The following LONP1 variants were observed in gnomAD, a reference collection of about 807,000 sequenced individuals.
LONP1 encodes lon protease homolog, mitochondrial.
LONP1 carries 31 observed loss-of-function variants against 98.5 expected under a neutral mutation model. That is an observed-to-expected ratio of 0.31 (90% CI 0.24 to 0.42). The LOEUF (loss-of-function observed/expected upper bound fraction) is 0.42, where lower values mean the gene tolerates loss of function less well. Ranked by LOEUF, LONP1 falls within the 20% of genes least tolerant of loss-of-function variation. The pLI is 1.00. For synonymous variants in LONP1, 781 were observed against 594.7 expected (o/e 1.31, Z -4.56); for missense variants, 1,336 against 1,350.6 (o/e 0.99, Z 0.17).
At chr19:5,700,251 T>C (rs1327890721) in intron 9 of LONP1, among the ~76,000 whole-genome samples, 3 of 152,042 alleles carry the variant, frequency 2.0e-5, no homozygotes, top group African/African-American at 7.2e-5. Context: ...GTAGCTGGGA[T>C]TACAGGCATG....
Position 5,714,253 on chromosome 19 carries a change from C to T in LONP1, c.448G>A (p.Val150Ile), listed in dbSNP as rs1312768375. 3 of 1,613,660 alleles carry T rather than the reference C, an allele frequency of 1.9e-6. No individual in the cohort carries two copies. Among genetic ancestry groups the T allele is most frequent in the South Asian group, 1.1e-5 (1 of 91,050 alleles). ...KIIEVKNKKL[V>I]ELLRRKVRLA... ...CGAACTTTCCTTCTCAGCAGCTCAA[C>T]CAACTTCTTATTTTTAACCTAGCAT... is the stretch of plus-strand genomic sequence containing the variant. The change falls in exon 2 of 18, where the codon GTT becomes ATT. Residue 150 changes from valine (V) to isoleucine (I), a missense_variant. By Grantham distance (29) the Val-to-Ile change is conservative. Coordinates refer to ENST00000360614, the MANE Select transcript of LONP1 (RefSeq NM_004793.4).
intron 8 of LONP1, among the ~76,000 whole-genome samples, chr19:5,702,534 C>T (rs375274804): frequency 3.9e-5 from 6 of 152,138 alleles, no homozygotes; most frequent in African/African-American, 7.2e-5. Flanking sequence ...GTGTACCCAA[C>T]AGCTCATTGA....
chr19:5,697,505 GA>G (rs1387693691), intron 10 of LONP1, among the ~76,000 whole-genome samples: 7 of 147,248 alleles, frequency 4.8e-5, no homozygotes, highest in East Asian at 2.0e-4. Context: ...GCAGAGGGAG[GA>G]GGGGGGGAGA....
rs2054937916 is a variant in LONP1 at position 5,696,741 on chromosome 19, C to T, written c.1702G>A (p.Ala568Thr). The T allele has an allele frequency of 1.2e-6, 2 of 1,613,220 alleles. No individual in the cohort carries two copies. The highest frequency in any genetic ancestry group is 1.7e-6 in the Non-Finnish European group (2 of 1,179,802). Residue 568 changes from alanine to threonine, a missense_variant, in exon 11 of 18, where the codon GCC becomes ACC. Ala to Thr is a moderately conservative substitution (Grantham distance 58). Coordinates refer to ENST00000360614, the MANE Select transcript of LONP1 (RefSeq NM_004793.4). ...CACTGGATGATCTTCCCGGGCATGGCGCCCACGTAGGTCCGCCTGTGGGTG... is the reference window on the plus strand; with the variant it reads ...CACTGGATGATCTTCCCGGGCATGGTGCCCACGTAGGTCCGCCTGTGGGTG... ...IKGHRRTYVG[A>T]MPGKIIQCLK...
chr19:5,714,308 A>G, intron 1 of LONP1, 37 bp from the exon 2 acceptor site: 1 of 1,454,490 alleles, frequency 6.9e-7, no homozygotes, highest in Middle Eastern at 1.7e-4. Context: ...AATGCAGAGT[A>G]GATTTTTTTT....
intron 9 of LONP1, 110 bp downstream of exon 9, chr19:5,700,679 G>C (rs1271194871): frequency 1.4e-6 from 2 of 1,443,776 alleles, no homozygotes; most frequent in African/African-American, 2.8e-5. Flanking sequence ...GCACCCCCAG[G>C]CCTACGAATT....
Position 5,719,868 on chromosome 19 carries a change from C to A in LONP1, c.265G>T (p.Gly89Cys). ...FSGGEDASEG[G>C]AEEGAGGAGG... ...GCGCCGCCGGCTCCTTCCTCCGCGC[C>A]GCCCTCGGAGGCGTCCTCGCCCCCC... is the stretch of plus-strand genomic sequence containing the variant. The change falls in exon 1 of 18, where the codon GGC becomes TGC. Residue 89 changes from glycine (G) to cysteine (C), a missense_variant. Physicochemically the swap from Gly to Cys is radical, Grantham distance 159. Transcript: ENST00000360614. 3.1e-6 allele frequency: 5 copies of A among 1,594,070 alleles called. No homozygotes were observed. The highest frequency in any genetic ancestry group is 3.5e-5 in the Admixed American group (2 of 57,018).
intron 8 of LONP1, among the ~76,000 whole-genome samples, chr19:5,704,928 AG>A (rs2055119261): frequency 6.6e-6 from 1 of 152,230 alleles, no homozygotes; most frequent in Non-Finnish European, 1.5e-5. Flanking sequence ...TGGGAGGGCA[AG>A]GTGGGCGGAT....
At chr19:5,713,821 C>T (rs2055273538) in intron 2 of LONP1, among the ~76,000 whole-genome samples, 1 of 152,164 alleles carries the variant, frequency 6.6e-6, no homozygotes, top group Non-Finnish European at 1.5e-5. Context: ...CCTCAGCCTC[C>T]CAAAGTGCTG....
chr19:5,698,974 C>G, intron 10 of LONP1, 53 bp downstream of exon 10: 1 of 1,517,418 alleles, frequency 6.6e-7, no homozygotes, highest in South Asian at 1.2e-5. Context: ...AAGACGAAGC[C>G]CGGCAGCACA....
In LONP1 at chr19:5,719,861, T is replaced by A. The variant is rs1360761746; in HGVS notation, c.272A>T (p.Glu91Val). Reference protein sequence around the residue: ...GGEDASEGGAEEGAGGAGGSA... With the variant: ...GGEDASEGGAVEGAGGAGGSA... Reference sequence around the variant, plus strand: ...GCCCCCCGCGCCGCCGGCTCCTTCCTCCGCGCCGCCCTCGGAGGCGTCCTC... The same window carrying A: ...GCCCCCCGCGCCGCCGGCTCCTTCCACCGCGCCGCCCTCGGAGGCGTCCTC... The change falls in exon 1 of 18, where the codon GAG (glutamate) becomes GTG (valine). Residue 91 changes from glutamate to valine, a missense_variant. Coordinates refer to ENST00000360614, the MANE Select transcript of LONP1 (RefSeq NM_004793.4). 6.2e-7 allele frequency: 1 copy of A among 1,600,338 alleles called. No homozygotes were observed. The highest frequency in any genetic ancestry group is 2.3e-5 in the East Asian group (1 of 44,332).
intron 1 of LONP1, among the ~76,000 whole-genome samples, chr19:5,716,219 A>G (rs2145633363): frequency 7.3e-6 from 1 of 136,578 alleles, no homozygotes; most frequent in Middle Eastern, 4.2e-3. Flanking sequence ...TTTCTTTTTG[A>G]AGTTTTTAAT....
At position 5,692,697 on chromosome 19, in the gene LONP1, ACT is replaced by A. The variant is rs2054849617; in HGVS notation, c.2704-491_2704-490del. ...ACAGCAGTTCCCACTGTCACCGCAC[ACT>A]GACTCCATGGACAGTGAGCCTCCCA... On this transcript the variant is annotated intron_variant, in intron 17 of 17. Coordinates refer to ENST00000360614, the MANE Select transcript of LONP1 (RefSeq NM_004793.4). Among the ~76,000 whole-genome samples, 5 of 152,254 alleles carry A rather than the reference ACT, an allele frequency of 3.3e-5. No homozygotes were observed. In the South Asian group the frequency reaches 1.0e-3, roughly 32 times the overall value.
chr19:5,694,682 T>G lies in LONP1; in HGVS notation c.2154+79A>C, dbSNP rs1599445401. 5.1e-6 allele frequency: 8 copies of G among 1,568,462 alleles called. No homozygotes were observed. In the East Asian group the frequency reaches 1.8e-4, roughly 36 times the overall value. ...TGATGGGCGCAGGAAAGTGGGATGA[T>G]GGGCATGGAAAGGTGGGGTGATCAG... On this transcript the variant is annotated intron_variant, in intron 14 of 17. Transcript: ENST00000360614.
rs928637175 is a variant in LONP1, at chr19:5,720,003, G to C, written c.130C>G (p.Arg44Gly). ...AAGAWLLRGQ[R>G]TCDASPPWAL... ...CAAGGAGGAGAGGCGTCGCAGGTCCGCTGGCCTCGGAGCAACCACGCTCCT... is the reference window on the plus strand; with the variant it reads ...CAAGGAGGAGAGGCGTCGCAGGTCCCCTGGCCTCGGAGCAACCACGCTCCT... The change falls in exon 1 of 18, where the codon CGG becomes GGG. Residue 44 changes from arginine to glycine, a missense_variant. This residue lies in a region of LONP1 where 457 missense variants were observed against 403.1 expected (regional missense o/e 1.13). Coordinates refer to ENST00000360614, the MANE Select transcript of LONP1 (RefSeq NM_004793.4). 8 of 1,576,026 alleles carry C rather than the reference G, an allele frequency of 5.1e-6. No individual in the cohort carries two copies. Among genetic ancestry groups the C allele is most frequent in the Non-Finnish European group, 6.9e-6 (8 of 1,163,626 alleles).
In LONP1 at chr19:5,705,840, G is replaced by T. The variant is rs1438391606; in HGVS notation, c.1299C>A (p.His433Gln). ...GCTCCTCGTCCACAACATCCATGAC[G>T]TGCTTGGGGACCACGAGCTCCTTCA... Reference protein sequence around the residue: ...ERLKELVVPKHVMDVVDEELS... With the variant: ...ERLKELVVPKQVMDVVDEELS... The change falls in exon 8 of 18, where the codon CAC becomes CAA. Residue 433 changes from histidine to glutamine, a missense_variant. Transcript: ENST00000360614. 4 of 1,614,052 alleles carry T rather than the reference G, an allele frequency of 2.5e-6. No individual in the cohort carries two copies. The highest frequency in any genetic ancestry group is 1.3e-5 in the African/African-American group (1 of 74,934).
At chr19:5,704,899 GC>G (rs2055118649) in intron 8 of LONP1, among the ~76,000 whole-genome samples, 2 of 152,228 alleles carry the variant, frequency 1.3e-5, no homozygotes, top group African/African-American at 4.8e-5. Context: ...GGTGGCTCAT[GC>G]CTGTAATCCC....
intron 3 of LONP1, 83 bp from the exon 4 acceptor site, chr19:5,712,085 G>A (rs1473634011): frequency 7.9e-6 from 9 of 1,144,724 alleles, no homozygotes; most frequent in African/African-American, 1.5e-5. Flanking sequence ...TGGCACAGGT[G>A]GTCCAAGGGT....
At chr19:5,697,235 G>A (rs2145586804) in intron 10 of LONP1, among the ~76,000 whole-genome samples, 1 of 152,218 alleles carries the variant, frequency 6.6e-6, no homozygotes, top group African/African-American at 2.4e-5. Flanking sequence ...AGACAGTGAG[G>A]AAGGCTCTGT....
Sources: allele counts gnomAD v4.1 joint callset (sites outside exome capture counted in the v4.1 genomes callset), GRCh38; gene constraint gnomAD v4.1.1; regional missense constraint gnomAD v4.1.1; transcripts MANE v1.5; gene names NCBI Gene and HGNC (gene_info 2026-07-23, HGNC 2026-07-21).